Variants in BOC observed in about 807,000 individuals in gnomAD.
BOC encodes the protein brother of CDO.
In BOC, 76 loss-of-function variants were observed where a neutral mutation model predicts 112.0. That is an observed-to-expected ratio of 0.68 (90% confidence interval 0.56 to 0.82). The LOEUF (loss-of-function observed/expected upper bound fraction) is 0.82, where lower values mean the gene tolerates loss of function less well. BOC is among the 40% of genes least tolerant of loss of function. The pLI is 0.00. For synonymous variants in BOC, 580 were observed against 599.8 expected, an observed-to-expected ratio of 0.97 and a Z score of 0.48; for missense variants, 1,309 against 1,511.7, an observed-to-expected ratio of 0.87 and a Z score of 2.22.
intron 2 of BOC, among the ~76,000 whole-genome samples, chr3:113,223,838 G>A (rs937339381): frequency 2.0e-5 from 3 of 152,218 alleles, no homozygotes; most frequent in Admixed American, 6.5e-5. Context: ...AAAGTTGTGC[G>A]CTGAGACCCC....
chr3:113,233,148 G>GGGGTGT lies in BOC; in HGVS notation c.-81-16573_-81-16572insGGTGTG, dbSNP rs75678874. On this transcript the variant is annotated intron_variant, in intron 2 of 19. Coordinates refer to ENST00000682979, the MANE Select transcript of BOC (RefSeq NM_001378074.1). Reference sequence around the variant, plus strand: ...CATGCATGAGCATGTAAAGGATTGGGGTGTGTGTGTGTGTGTGTGTGTGTG... The same window carrying GGGGTGT: ...CATGCATGAGCATGTAAAGGATTGGGGGGTGTGTGTGTGTGTGTGTGTGTGTGTGTG... Among the ~76,000 whole-genome samples, 252 of 124,030 alleles carry GGGGTGT rather than the reference G, an allele frequency of 2.0e-3. 5 individuals are homozygous for GGGGTGT. Among genetic ancestry groups the GGGGTGT allele is most frequent in the Middle Eastern group, 3.9e-3 (1 of 254 alleles). The allele number at this position is 124,030 out of a possible 152,430, so 81.4% of individuals were successfully genotyped here.
At chr3:113,269,865 C>G (rs1373707032) in intron 5 of BOC, 1 of 152,450 alleles carries the variant, frequency 6.6e-6, no homozygotes, top group African/African-American at 2.4e-5. Context: ...AGCAGGCAGG[C>G]ACCAGGCTTG....
In BOC at chr3:113,224,135, A is replaced by C. The variant is rs572761344; in HGVS notation, c.-82+7861A>C. The stretch of plus-strand genomic sequence containing the variant: ...GTGGGGAAGTGAGCGTCCCCTGGGC[A>C]GGCAGCGCTCTTGCACGCCTACATC... On this transcript the variant is annotated intron_variant, in intron 2 of 19. Coordinates refer to ENST00000682979, the MANE Select transcript of BOC (RefSeq NM_001378074.1). Among the ~76,000 whole-genome samples, 6 of 152,334 alleles carry C rather than the reference A, an allele frequency of 3.9e-5. No individual in the cohort carries two copies. The South Asian group carries it at 1.0e-3, about 26-fold the overall frequency.
At chr3:113,272,122 C>G in intron 6 of BOC, 1 of 498,350 alleles carries the variant, frequency 2.0e-6, no homozygotes, top group Non-Finnish European at 3.6e-6. Flanking sequence ...TCACCTTTCT[C>G]TCTTTGCCAG....
At chr3:113,284,228 C>T (rs1489138400) in intron 16 of BOC, 107 bp from the exon 17 acceptor site, 4 of 901,026 alleles carry the variant, frequency 4.4e-6, no homozygotes, top group Admixed American at 1.8e-5. Context: ...CTGCCTACGT[C>T]CTTCAACCCT....
intron 2 of BOC, among the ~76,000 whole-genome samples, chr3:113,231,576 G>T (rs1942620051): frequency 6.6e-6 from 1 of 152,018 alleles, no homozygotes; most frequent in African/African-American, 2.4e-5. Flanking sequence ...CAAGCCTGTG[G>T]GTACAGACTT....
At chr3:113,239,970 G>A (rs980453909) in intron 2 of BOC, among the ~76,000 whole-genome samples, 2 of 152,176 alleles carry the variant, frequency 1.3e-5, no homozygotes, top group East Asian at 1.9e-4. Flanking sequence ...TGTCTCCACC[G>A]ACTCTGGCTT....
In BOC at chr3:113,279,307, G is replaced by C; in HGVS notation, c.1875G>C (p.Val625=). ...ISTASETSVY[V]TWIPRGNGGF... is the part of the protein sequence containing the mutation. ...CGGCCTCCGAGACCTCAGTGTACGT[G>C]ACCTGGATTCCCCGTGGGAATGGTG... Residue 625 remains valine (V), a synonymous_variant, in exon 12 of 20, where the codon GTG becomes GTC. Coordinates refer to ENST00000682979, the MANE Select transcript of BOC (RefSeq NM_001378074.1). The C allele has an allele frequency of 6.2e-7, 1 of 1,614,162 alleles. No individual in the cohort carries two copies. The highest frequency in any genetic ancestry group is 1.1e-5 in the South Asian group (1 of 91,054).
chr3:113,240,968 C>T (rs903514105), intron 2 of BOC, among the ~76,000 whole-genome samples: 10 of 152,210 alleles, frequency 6.6e-5, no homozygotes, highest in African/African-American at 2.4e-4. Flanking sequence ...CACACCTTCA[C>T]CTCCTTCTCA....
At chr3:113,225,306 T>C (rs1941485928) in intron 2 of BOC, among the ~76,000 whole-genome samples, 1 of 151,018 alleles carries the variant, frequency 6.6e-6, no homozygotes, top group Non-Finnish European at 1.5e-5. Flanking sequence ...CCCCAACTTC[T>C]GTTTGGAATA....
chr3:113,268,255 T>C (rs371834955), intron 4 of BOC, 44 bp from the exon 5 acceptor site: 16 of 1,610,434 alleles, frequency 9.9e-6, no homozygotes, highest in Middle Eastern at 3.3e-4. Context: ...TGTCACACTT[T>C]TGCTCTGCTG....
At chr3:113,235,211 G>T (rs1216787676) in intron 2 of BOC, among the ~76,000 whole-genome samples, 1 of 152,182 alleles carries the variant, frequency 6.6e-6, no homozygotes, top group Non-Finnish European at 1.5e-5. Flanking sequence ...GCACCTAAAG[G>T]TTGGGAAGTA....
In BOC at chr3:113,279,284, G is replaced by A; in HGVS notation, c.1852G>A (p.Ala618Thr). The change falls in exon 12 of 20, where the codon GCC becomes ACC. Residue 618 changes from alanine (A) to threonine (T), a missense_variant. Transcript: ENST00000682979. ...TCCCGACAGGCCCACCATCTCCACG[G>A]CCTCCGAGACCTCAGTGTACGTGAC... Reference protein sequence around the residue: ...EAPDRPTISTASETSVYVTWI... With the variant: ...EAPDRPTISTTSETSVYVTWI... 1 of 1,614,138 alleles carries A rather than the reference G, an allele frequency of 6.2e-7. No homozygotes were observed. The highest frequency in any genetic ancestry group is 1.3e-5 in the African/African-American group (1 of 75,060).
intron 12 of BOC, 182 bp downstream of exon 12, chr3:113,279,637 A>G: frequency 1.2e-6 from 1 of 807,100 alleles, no homozygotes; most frequent in Non-Finnish European, 1.9e-6. Context: ...CCTCCAGAAG[A>G]GCATCCAGAG....
chr3:113,242,867 G>A lies in BOC; in HGVS notation c.-81-6855G>A, dbSNP rs191098961. Among the ~76,000 whole-genome samples the A allele has an allele frequency of 5.3e-5, 8 of 152,172 alleles. No individual in the cohort carries two copies. The East Asian group carries it at 1.4e-3, about 26-fold the overall frequency. On this transcript the variant is annotated intron_variant, in intron 2 of 19. Transcript: ENST00000682979. ...CAAGTGCCAAGGGGAAAAAATATAA[G>A]CAATTCCGTTGGAGCACTGTAAGAT... is the stretch of plus-strand genomic sequence containing the variant.
chr3:113,218,180 G>T (rs1209214495), intron 2 of BOC, among the ~76,000 whole-genome samples: 1 of 152,198 alleles, frequency 6.6e-6, no homozygotes, highest in Admixed American at 6.5e-5. Flanking sequence ...GCTGGCCGTG[G>T]AGGCCTTGGA....
At chr3:113,272,324 A>T (rs751628448) in intron 6 of BOC, 86 bp from the exon 7 acceptor site, 13 of 1,452,210 alleles carry the variant, frequency 9.0e-6, no homozygotes, top group Non-Finnish European at 1.1e-5. Context: ...TCCCATCTCC[A>T]TGCTCTCTGG....
chr3:113,286,816 G>A lies in BOC; in HGVS notation c.3302G>A (p.Gly1101Glu). 1.2e-6 allele frequency: 2 copies of A among 1,609,498 alleles called. No homozygotes were observed. The highest frequency in any genetic ancestry group is 1.7e-6 in the Non-Finnish European group (2 of 1,178,112). ...GQEPGMQLSPGPLVRVSFETP... is the reference protein window; with the variant it reads ...GQEPGMQLSPEPLVRVSFETP... ...GAACCTGGAATGCAGCTCTCCCCGG[G>A]GCCACTGGTGCGTGTGTCTTTTGAA... is the stretch of plus-strand genomic sequence containing the variant. Residue 1101 changes from glycine (G) to glutamate (E), a missense_variant, in exon 20 of 20, where the codon GGG (glycine) becomes GAG (glutamate). Physicochemically the swap from Gly to Glu is moderately conservative, Grantham distance 98. Transcript: ENST00000682979.
At chr3:113,284,103 C>T (rs1355362284) in intron 16 of BOC, among the ~76,000 whole-genome samples, 2 of 152,098 alleles carry the variant, frequency 1.3e-5, no homozygotes, top group Non-Finnish European at 2.9e-5. Flanking sequence ...AGCCCTGGAC[C>T]CTGTATCTCC....
Sources: gnomAD v4.1 joint callset for allele counts (sites outside exome capture counted in the v4.1 genomes callset) on GRCh38, gnomAD v4.1.1 for gene constraint, MANE v1.5 for transcripts, NCBI Gene and HGNC (gene_info 2026-07-23, HGNC 2026-07-21) for gene names.